GPC5: variants seen among roughly 807,000 people sequenced by gnomAD.
The protein encoded by GPC5 is glypican 5, also known as glypican-5.
Under a neutral mutation model 53.9 loss-of-function variants are expected in GPC5, and 47 were observed. That is an observed-to-expected ratio of 0.87 (90% CI 0.69 to 1.11). GPC5 has a LOEUF of 1.11. GPC5 is among the 50% of genes most tolerant of loss of function. The pLI is 0.00. For missense variants in GPC5, 748 were observed against 713.1 expected, an observed-to-expected ratio of 1.05 and a Z score of -0.56; for synonymous variants, 286 against 263.3, an observed-to-expected ratio of 1.09 and a Z score of -0.84.
intron 7 of GPC5, among the ~76,000 whole-genome samples, chr13:92,175,354 G>C (rs1241246867): frequency 1.3e-5 from 2 of 152,028 alleles, no homozygotes; most frequent in African/African-American, 2.4e-5. Flanking sequence ...CATCTAAATA[G>C]GGCTTGACAC....
At chr13:92,787,667 C>CAAAAAAAAAAAAAAA (rs71202562) in intron 7 of GPC5, among the ~76,000 whole-genome samples, 76 of 56,212 alleles carry the variant, frequency 1.4e-3, no homozygotes, top group African/African-American at 4.6e-3. Flanking sequence ...CTCATAGCTA[C>CAAAAAAAAAAAAAAA]AAAAAAAAAA....
chr13:92,015,756 T>A (rs1466609119), intron 6 of GPC5, among the ~76,000 whole-genome samples: 1 of 152,218 alleles, frequency 6.6e-6, no homozygotes, highest in Non-Finnish European at 1.5e-5. Context: ...ACACATCTTT[T>A]ACAAACTATT....
At chr13:92,232,624 A>T (rs1192925829) in intron 7 of GPC5, among the ~76,000 whole-genome samples, 1 of 152,190 alleles carries the variant, frequency 6.6e-6, no homozygotes, top group African/African-American at 2.4e-5. Flanking sequence ...AAAGTGTTGA[A>T]CTGACTATAA....
At chr13:92,445,462 T>G (rs1398531674) in intron 7 of GPC5, among the ~76,000 whole-genome samples, 2 of 73,576 alleles carry the variant, frequency 2.7e-5, no homozygotes, top group South Asian at 5.5e-4. Context: ...CTATCCCTCC[T>G]CCCTCCCCCC....
intron 6 of GPC5, among the ~76,000 whole-genome samples, chr13:92,108,439 T>C (rs2041527118): frequency 6.6e-6 from 1 of 152,172 alleles, no homozygotes; most frequent in South Asian, 2.1e-4. Context: ...CTCATTCCCA[T>C]ATAGAAAGGA....
intron 6 of GPC5, among the ~76,000 whole-genome samples, chr13:92,132,494 A>G (rs1167854492): frequency 6.6e-6 from 1 of 152,012 alleles, no homozygotes; most frequent in Admixed American, 6.6e-5. Flanking sequence ...TGTTTCCTGA[A>G]TCTCTTGCAG....
In GPC5 at chr13:92,711,690, A is replaced by G. The variant is rs551770517; in HGVS notation, c.1562-154592A>G. On this transcript the variant is annotated intron_variant, in intron 7 of 7. Transcript: ENST00000377067. ...TCAAGGAGAGTTTAAATCTTTGACC[A>G]TAAAAAACATCTCAACAAACTTATA... Among the ~76,000 whole-genome samples, 16 of 152,224 alleles carry G rather than the reference A, an allele frequency of 1.1e-4. 3 individuals are homozygous for G. The highest frequency in any genetic ancestry group is 3.6e-4 in the African/African-American group (15 of 41,582).
chr13:92,701,527 AG>A (rs1383485164), intron 7 of GPC5: 1 of 152,142 alleles, frequency 6.6e-6, no homozygotes, highest in Non-Finnish European at 1.5e-5. Context: ...CTGCAACAAA[AG>A]GGACATACAT....
At chr13:91,977,042 A>C (rs1015986782) in intron 6 of GPC5, among the ~76,000 whole-genome samples, 2 of 16,632 alleles carry the variant, frequency 1.2e-4, no homozygotes, top group Non-Finnish European at 2.2e-4. Flanking sequence ...CTGTCTCAAT[A>C]AATAAATAAA....
chr13:92,850,081 C>T (rs1445076584), intron 7 of GPC5, among the ~76,000 whole-genome samples: 1 of 152,176 alleles, frequency 6.6e-6, no homozygotes, highest in Admixed American at 6.5e-5. Context: ...TAATTGTATT[C>T]CCTCCTACAA....
intron 3 of GPC5, among the ~76,000 whole-genome samples, chr13:91,702,661 C>T (rs891202203): frequency 1.3e-5 from 2 of 151,870 alleles, no homozygotes; most frequent in African/African-American, 4.8e-5. Flanking sequence ...ATTTTTTTCT[C>T]TATTTCTGTG....
chr13:92,012,972 C>T (rs1330996678), intron 6 of GPC5, among the ~76,000 whole-genome samples: 2 of 152,226 alleles, frequency 1.3e-5, no homozygotes, highest in South Asian at 2.1e-4. Flanking sequence ...CTGTGTGGGG[C>T]CCACACCCAG....
At chr13:91,742,147 G>T (rs991959460) in intron 4 of GPC5, among the ~76,000 whole-genome samples, 4 of 152,284 alleles carry the variant, frequency 2.6e-5, no homozygotes, top group African/African-American at 9.6e-5. Context: ...AGGCAGGCCA[G>T]AGTCAAGACC....
chr13:91,693,094 T>A, intron 2 of GPC5, 93 bp from the exon 3 acceptor site: 1 of 870,786 alleles, frequency 1.1e-6, no homozygotes, highest in South Asian at 1.8e-5. Flanking sequence ...ATACTTAGAT[T>A]AGTTTTGATG....
chr13:91,662,446 T>G (rs112589510), intron 2 of GPC5, among the ~76,000 whole-genome samples: 23 of 152,216 alleles, frequency 1.5e-4, no homozygotes, highest in East Asian at 9.7e-4. Flanking sequence ...TATAGAGAAT[T>G]GGAAAGAGAA....
At chr13:91,781,484 A>T (rs1314758780) in intron 5 of GPC5, among the ~76,000 whole-genome samples, 1 of 152,240 alleles carries the variant, frequency 6.6e-6, no homozygotes, top group Non-Finnish European at 1.5e-5. Flanking sequence ...AATAAGTAAA[A>T]GATCATATGT....
At chr13:91,892,745 G>A (rs554050363) in intron 5 of GPC5, among the ~76,000 whole-genome samples, 2 of 151,898 alleles carry the variant, frequency 1.3e-5, no homozygotes, top group South Asian at 4.1e-4. Context: ...TTATATTTAT[G>A]TTTAGCAATT....
chr13:92,508,547 C>T (rs973951289), intron 7 of GPC5, among the ~76,000 whole-genome samples: 4 of 151,994 alleles, frequency 2.6e-5, no homozygotes, highest in Non-Finnish European at 5.9e-5. Flanking sequence ...TGAGGAAACA[C>T]GAGTATGGAG....
At chr13:92,554,970 G>A (rs1431526585) in intron 7 of GPC5, among the ~76,000 whole-genome samples, 1 of 148,960 alleles carries the variant, frequency 6.7e-6, no homozygotes, top group Non-Finnish European at 1.5e-5. Context: ...CTATGTTCTG[G>A]CACTGTTTAA....
Sources: gnomAD v4.1 joint callset for allele counts (sites outside exome capture counted in the v4.1 genomes callset) on GRCh38, gnomAD v4.1.1 for gene constraint, MANE v1.5 for transcripts, NCBI Gene and HGNC (gene_info 2026-07-23, HGNC 2026-07-21) for gene names.